Variants in MAGI1 observed in about 807,000 individuals in gnomAD.
MAGI1 encodes membrane-associated guanylate kinase, WW and PDZ domain-containing protein 1.
A neutral mutation model predicts 139.9 loss-of-function variants in MAGI1; 58 were observed. The observed-to-expected ratio is 0.41, with a 90% CI of 0.34 to 0.52. The LOEUF (loss-of-function observed/expected upper bound fraction) is 0.52, where lower values mean the gene tolerates loss of function less well. Ranked by LOEUF, MAGI1 falls within the 20% of genes least tolerant of loss-of-function variation. MAGI1 has a pLI of 0.12. For missense variants in MAGI1, 1,874 were observed against 1,901.6 expected (o/e 0.99, Z 0.27); for synonymous variants, 812 against 737.9 (o/e 1.10, Z -1.63).
chr3:66,031,783 C>CA (rs62941061), intron 1 of MAGI1, among the ~76,000 whole-genome samples: 92,941 of 148,562 alleles, frequency 0.63, 29,609 homozygotes, highest in East Asian at 0.85. Context: ...TGCTATTAGC[C>CA]AAAAAAAAAA....
At chr3:65,907,954 C>A (rs1369880917) in intron 1 of MAGI1, among the ~76,000 whole-genome samples, 1 of 152,168 alleles carries the variant, frequency 6.6e-6, no homozygotes, top group East Asian at 1.9e-4. Flanking sequence ...CTGTGGAATC[C>A]CTCTGTTTCA....
chr3:65,581,952 T>C (rs2081446750), intron 2 of MAGI1, among the ~76,000 whole-genome samples: 1 of 152,172 alleles, frequency 6.6e-6, no homozygotes, highest in Admixed American at 6.6e-5. Flanking sequence ...GTTTGATAAA[T>C]ATCTTTTGAA....
rs545896088 is a variant in MAGI1, at chr3:65,604,150, C to T, written c.430+17822G>A. On this transcript the variant is annotated intron_variant, in intron 2 of 22. Coordinates refer to ENST00000402939, the MANE Select transcript of MAGI1 (RefSeq NM_001033057.2). Reference sequence around the variant, plus strand: ...GGCTTTTCAGGGGAAAAGAAAACTACGGCATTAAATATGCACATTTATGTT... The same window carrying T: ...GGCTTTTCAGGGGAAAAGAAAACTATGGCATTAAATATGCACATTTATGTT... Among the ~76,000 whole-genome samples the T allele has an allele frequency of 2.4e-4, 36 of 151,466 alleles. 1 individual carries two copies. In the South Asian group the frequency reaches 6.1e-3, roughly 25 times the overall value.
At chr3:65,657,836 A>T (rs945581994) in intron 1 of MAGI1, among the ~76,000 whole-genome samples, 1 of 152,152 alleles carries the variant, frequency 6.6e-6, no homozygotes, top group African/African-American at 2.4e-5. Context: ...TTAAATCTTG[A>T]GTCTGCTACT....
chr3:65,370,352 A>G (rs758604746), intron 18 of MAGI1, among the ~76,000 whole-genome samples: 1 of 152,182 alleles, frequency 6.6e-6, no homozygotes, highest in Non-Finnish European at 1.5e-5. Flanking sequence ...CAAAGTAACT[A>G]GAGAAGAGGC....
chr3:65,926,140 T>G (rs1224652494), intron 1 of MAGI1, among the ~76,000 whole-genome samples: 1 of 152,234 alleles, frequency 6.6e-6, no homozygotes, highest in African/African-American at 2.4e-5. Context: ...TATTTAGTAT[T>G]TCTTTAAATG....
Position 65,751,299 on chromosome 3 carries a change from C to T in MAGI1, c.314-129211G>A, listed in dbSNP as rs543010122. Among the ~76,000 whole-genome samples, 75 of 152,300 alleles carry T rather than the reference C, an allele frequency of 4.9e-4. 1 individual carries two copies. Among genetic ancestry groups the T allele is most frequent in the African/African-American group, 1.7e-3 (70 of 41,556 alleles). On this transcript the variant is annotated intron_variant, in intron 1 of 22. Transcript: ENST00000402939. Reference sequence around the variant, plus strand: ...AAGAAAGAAATTGTCCTGCCCCCTGCTGGGCAATGGTGCACTGACAGAAAG... The same window carrying T: ...AAGAAAGAAATTGTCCTGCCCCCTGTTGGGCAATGGTGCACTGACAGAAAG...
At chr3:65,789,639 G>C (rs1185068859) in intron 1 of MAGI1, among the ~76,000 whole-genome samples, 1 of 152,162 alleles carries the variant, frequency 6.6e-6, no homozygotes, top group African/African-American at 2.4e-5. Context: ...CAAACTTACT[G>C]AGCCACTTTA....
chr3:65,444,525 TA>T (rs1559559254), intron 7 of MAGI1, among the ~76,000 whole-genome samples: 1 of 152,172 alleles, frequency 6.6e-6, no homozygotes, highest in Non-Finnish European at 1.5e-5. Context: ...TATCTTTAGA[TA>T]AAACAGGGGA....
intron 1 of MAGI1, among the ~76,000 whole-genome samples, chr3:65,707,550 C>T (rs1355414257): frequency 6.6e-6 from 1 of 151,938 alleles, no homozygotes; most frequent in Non-Finnish European, 1.5e-5. Flanking sequence ...AATAGTCAGG[C>T]ATGGTTGTGC....
chr3:65,954,445 T>G (rs2064015749), intron 1 of MAGI1: 1 of 152,572 alleles, frequency 6.6e-6, no homozygotes, highest in Non-Finnish European at 1.5e-5. Context: ...TTTACCTGGG[T>G]AGAGCCATAG....
At chr3:65,855,513 G>T (rs1307190572) in intron 1 of MAGI1, among the ~76,000 whole-genome samples, 3 of 143,334 alleles carry the variant, frequency 2.1e-5, no homozygotes, top group Non-Finnish European at 4.5e-5. Flanking sequence ...AGGCAGGGGG[G>T]ATCACTTAAG....
intron 3 of MAGI1, 38 bp from the exon 4 acceptor site, chr3:65,478,836 G>T (rs762962244): frequency 6.7e-7 from 1 of 1,491,852 alleles, no homozygotes; most frequent in East Asian, 2.3e-5. Flanking sequence ...GTTTCAAAAG[G>T]AATACTTTGT....
intron 1 of MAGI1, among the ~76,000 whole-genome samples, chr3:65,958,393 A>G (rs1049495008): frequency 2.0e-5 from 3 of 152,238 alleles, no homozygotes; most frequent in Non-Finnish European, 4.4e-5. Flanking sequence ...TGCTTATTGT[A>G]TCATCAAAAA....
At chr3:65,484,560 T>C (rs1270514874) in intron 3 of MAGI1, among the ~76,000 whole-genome samples, 4 of 152,136 alleles carry the variant, frequency 2.6e-5, no homozygotes, top group Admixed American at 6.5e-5. Context: ...ACATCCAGCA[T>C]ATCTGATTTT....
intron 1 of MAGI1, among the ~76,000 whole-genome samples, chr3:65,799,051 C>T (rs970521111): frequency 6.6e-6 from 1 of 151,910 alleles, no homozygotes; most frequent in African/African-American, 2.4e-5. Flanking sequence ...AGTCAAACAG[C>T]CAAAAGGGAA....
At position 65,590,983 on chromosome 3, in the gene MAGI1, C is replaced by G. The variant is rs531049870; in HGVS notation, c.430+30989G>C. Among the ~76,000 whole-genome samples, 5 of 152,270 alleles carry G rather than the reference C, an allele frequency of 3.3e-5. No individual in the cohort carries two copies. The East Asian group carries it at 5.8e-4, about 18-fold the overall frequency. ...TTTTTCAAATCCTAAAATGTGCATT[C>G]TCTTTAACTCAGTGATGCCACTCTC... On this transcript the variant is annotated intron_variant, in intron 2 of 22. Coordinates refer to ENST00000402939, the MANE Select transcript of MAGI1 (RefSeq NM_001033057.2).
chr3:65,877,060 G>A (rs921043512), intron 1 of MAGI1, among the ~76,000 whole-genome samples: 1 of 152,122 alleles, frequency 6.6e-6, no homozygotes, highest in African/African-American at 2.4e-5. Context: ...TAATTTTTAA[G>A]TAAAAATTAA....
In MAGI1 at chr3:65,478,592, C is replaced by T. The variant is rs200095160; in HGVS notation, c.757G>A (p.Ala253Thr). 20 of 1,613,764 alleles carry T rather than the reference C, an allele frequency of 1.2e-5. No homozygotes were observed. The East Asian group carries it at 4.0e-4, about 32-fold the overall frequency. The stretch of plus-strand genomic sequence containing the variant: ...GAGGGCAACATGATCTGACCTTTAC[C>T]TGTAAAGCTGCTGTTCATTTCAGGA... ...DVPEMNSSFTADSGEQEEHTL... is the reference protein window; with the variant it reads ...DVPEMNSSFTTDSGEQEEHTL... The change falls in exon 4 of 23, where the codon GCC becomes ACC. Residue 253 changes from alanine to threonine, a missense_variant and splice_region_variant. Ala to Thr is a moderately conservative substitution (Grantham distance 58). Transcript: ENST00000402939.
Sources: gnomAD v4.1 joint callset for allele counts (sites outside exome capture counted in the v4.1 genomes callset) on GRCh38, gnomAD v4.1.1 for gene constraint, MANE v1.5 for transcripts, NCBI Gene and HGNC (gene_info 2026-07-23, HGNC 2026-07-21) for gene names.